LINGO2: variants seen among roughly 807,000 people sequenced by gnomAD.
The protein encoded by LINGO2 is leucine rich repeat and Ig domain containing 2.
A neutral mutation model predicts 30.6 loss-of-function variants in LINGO2; 14 were observed. That is an observed-to-expected ratio of 0.46 (90% CI 0.30 to 0.72). The LOEUF (loss-of-function observed/expected upper bound fraction) is 0.72, where lower values mean the gene tolerates loss of function less well. Among genes scored for constraint, LINGO2 ranks in the 30% least tolerant of loss-of-function variants. The probability of loss-of-function intolerance (pLI) is 0.07; values close to 1 mark genes in which losing one functional copy is unlikely to be tolerated. For synonymous variants in LINGO2, 317 were observed against 288.5 expected, an observed-to-expected ratio of 1.10 and a Z score of -1.00; for missense variants, 729 against 751.7, an observed-to-expected ratio of 0.97 and a Z score of 0.35.
At chr9:28,671,700 G>A (rs1829022549), upstream of LINGO2, among the ~76,000 whole-genome samples, 1 of 152,000 alleles carries the variant, frequency 6.6e-6, no homozygotes, top group South Asian at 2.1e-4. Context: ...TATTCATCAG[G>A]TGACGAAATA....
intron 4 of LINGO2, among the ~76,000 whole-genome samples, chr9:28,093,279 C>A (rs564734025): frequency 3.9e-5 from 6 of 152,098 alleles, no homozygotes; most frequent in South Asian, 2.1e-4. Context: ...GCTGCAGACA[C>A]CTCTGTGAAA....
chr9:28,704,078 T>G, the LINGO2 span, among the ~76,000 whole-genome samples: 1 of 152,038 alleles, frequency 6.6e-6, no homozygotes, highest in Admixed American at 6.6e-5. Flanking sequence ...ATATTTTCCT[T>G]CACTCTGAAG....
the LINGO2 span, among the ~76,000 whole-genome samples, chr9:28,977,016 A>G: frequency 3.3e-5 from 5 of 152,162 alleles, no homozygotes; most frequent in Admixed American, 3.3e-4. Flanking sequence ...TATAAATGTA[A>G]AAAATAAGCT....
intron 4 of LINGO2, among the ~76,000 whole-genome samples, chr9:28,257,492 T>C (rs922787325): frequency 6.6e-6 from 1 of 151,940 alleles, no homozygotes; most frequent in Admixed American, 6.6e-5. Flanking sequence ...TTATGACTAC[T>C]AGAAGTCGCT....
chr9:27,959,611 T>C (rs975726863), intron 5 of LINGO2, among the ~76,000 whole-genome samples: 1 of 152,176 alleles, frequency 6.6e-6, no homozygotes, highest in African/African-American at 2.4e-5. Flanking sequence ...CATTTCTAAT[T>C]TAATTCTGTG....
chr9:28,948,069 C>T, the LINGO2 span, among the ~76,000 whole-genome samples: 1 of 151,990 alleles, frequency 6.6e-6, no homozygotes, highest in African/African-American at 2.4e-5. Flanking sequence ...ATTTGATGTA[C>T]CCATCCTTGA....
chr9:28,350,550 G>T (rs1301831966), intron 3 of LINGO2, among the ~76,000 whole-genome samples: 1 of 144,342 alleles, frequency 6.9e-6, no homozygotes, highest in Non-Finnish European at 1.5e-5. Flanking sequence ...CATTAATAAT[G>T]GGAGACTTTA....
At chr9:29,006,557 A>C in the LINGO2 span, among the ~76,000 whole-genome samples, 1 of 152,048 alleles carries the variant, frequency 6.6e-6, no homozygotes, top group Non-Finnish European at 1.5e-5. Context: ...AAGGGGAAAA[A>C]TATTTGGATA....
chr9:28,046,277 C>A (rs1295243389), intron 4 of LINGO2, among the ~76,000 whole-genome samples: 1 of 152,158 alleles, frequency 6.6e-6, no homozygotes, highest in Non-Finnish European at 1.5e-5. Context: ...TAACTCTGTA[C>A]AGGACCATTA....
chr9:29,011,808 T>C, the LINGO2 span, among the ~76,000 whole-genome samples: 1 of 152,154 alleles, frequency 6.6e-6, no homozygotes, highest in African/African-American at 2.4e-5. Context: ...CATTATACCT[T>C]ATGAAGTAGT....
At chr9:28,414,873 A>T (rs538219446) in intron 2 of LINGO2, among the ~76,000 whole-genome samples, 1 of 152,236 alleles carries the variant, frequency 6.6e-6, no homozygotes, top group Admixed American at 6.6e-5. Context: ...TTTGTGAGTG[A>T]AAATTCTTGA....
chr9:28,110,099 CAAT>C (rs1404595290), intron 4 of LINGO2, among the ~76,000 whole-genome samples: 5 of 152,134 alleles, frequency 3.3e-5, no homozygotes, highest in Non-Finnish European at 7.4e-5. Context: ...CACACATCTA[CAAT>C]AATCTGATCT....
intron 3 of LINGO2, among the ~76,000 whole-genome samples, chr9:28,322,427 T>C (rs2134305923): frequency 6.7e-6 from 1 of 149,808 alleles, no homozygotes; most frequent in East Asian, 2.0e-4. Flanking sequence ...CTAGACATAG[T>C]AGGCACTCAG....
chr9:28,442,526 T>C (rs1424276390), intron 2 of LINGO2, among the ~76,000 whole-genome samples: 2 of 152,200 alleles, frequency 1.3e-5, no homozygotes, highest in Non-Finnish European at 2.9e-5. Context: ...TTTATAAACT[T>C]TTTTTGTTTC....
At chr9:28,213,827 C>G (rs982835597) in intron 4 of LINGO2, among the ~76,000 whole-genome samples, 1 of 151,428 alleles carries the variant, frequency 6.6e-6, no homozygotes, top group South Asian at 2.1e-4. Flanking sequence ...AACTTACACT[C>G]CACACAGTAT....
chr9:28,313,989 A>T (rs1454314581), intron 3 of LINGO2, among the ~76,000 whole-genome samples: 1 of 151,964 alleles, frequency 6.6e-6, no homozygotes, highest in Non-Finnish European at 1.5e-5. Context: ...GCTGGAGTGC[A>T]GTGGCGCGAT....
At chr9:28,967,180 A>G in the LINGO2 span, among the ~76,000 whole-genome samples, 16 of 152,230 alleles carry the variant, frequency 1.1e-4, no homozygotes, top group African/African-American at 3.8e-4. Context: ...CTTGTTTGTT[A>G]TCTGCCTTGA....
the LINGO2 span, among the ~76,000 whole-genome samples, chr9:29,069,455 G>T: frequency 3.3e-5 from 5 of 150,938 alleles, no homozygotes; most frequent in Admixed American, 6.6e-5. Context: ...CCAAAAAGTT[G>T]TATGAAACAC....
intron 4 of LINGO2, among the ~76,000 whole-genome samples, chr9:28,293,363 A>G (rs984036927): frequency 5.9e-5 from 9 of 152,076 alleles, no homozygotes; most frequent in Admixed American, 2.0e-4. Flanking sequence ...CTCCCAAAGC[A>G]CTAAGATTAC....
Sources: gnomAD v4.1 joint callset for allele counts (sites outside exome capture counted in the v4.1 genomes callset) on GRCh38, gnomAD v4.1.1 for gene constraint, MANE v1.5 for transcripts, NCBI Gene and HGNC (gene_info 2026-07-23, HGNC 2026-07-21) for gene names.